NAA11: variants seen among roughly 807,000 people sequenced by gnomAD.
The protein encoded by NAA11 is N-alpha-acetyltransferase 11, NatA catalytic subunit.
A neutral mutation model predicts 16.1 loss-of-function variants in NAA11; 15 were observed. That is an observed-to-expected ratio of 0.93 (90% confidence interval 0.62 to 1.44). The LOEUF (loss-of-function observed/expected upper bound fraction) is 1.44, where lower values mean the gene tolerates loss of function less well. Among genes scored for constraint, NAA11 ranks in the 40% most tolerant of loss-of-function variants. The pLI is 0.00. For missense variants in NAA11, 298 were observed against 291.3 expected (o/e 1.02, Z -0.17); for synonymous variants, 122 against 112.4 (o/e 1.09, Z -0.54).
intron 1 of NAA11, among the ~76,000 whole-genome samples, chr4:79,304,076 T>C (rs1723490947): frequency 6.6e-6 from 1 of 152,194 alleles, no homozygotes; most frequent in African/African-American, 2.4e-5. Flanking sequence ...TTTGCACCTC[T>C]TTTGTCTTTC....
chr4:79,291,852 G>A (rs1158325883), intron 2 of NAA11, among the ~76,000 whole-genome samples: 3 of 152,172 alleles, frequency 2.0e-5, no homozygotes, highest in African/African-American at 4.8e-5. Flanking sequence ...ATAGGACATA[G>A]TAATAGTAAA....
intron 2 of NAA11, among the ~76,000 whole-genome samples, chr4:79,292,454 A>G (rs578026843): frequency 6.6e-6 from 1 of 152,356 alleles, no homozygotes; most frequent in Admixed American, 6.5e-5. Flanking sequence ...AAGCTAAAAC[A>G]GAATAGAGTA....
At chr4:79,299,763 A>G (rs916357821) in intron 1 of NAA11, among the ~76,000 whole-genome samples, 1 of 152,180 alleles carries the variant, frequency 6.6e-6, no homozygotes, top group Non-Finnish European at 1.5e-5. Flanking sequence ...CAATATTAGG[A>G]TTGTGACCTT....
chr4:79,269,674 T>C (rs1400672973), intron 2 of NAA11, among the ~76,000 whole-genome samples: 1 of 147,316 alleles, frequency 6.8e-6, no homozygotes, highest in East Asian at 2.0e-4. Context: ...CTGATGGTAG[T>C]TTCTTTTGCT....
intron 2 of NAA11, among the ~76,000 whole-genome samples, chr4:79,264,392 C>T (rs1722300940): frequency 6.6e-6 from 1 of 152,076 alleles, no homozygotes; most frequent in African/African-American, 2.4e-5. Context: ...TGTAAATCTC[C>T]CATCTTAAAA....
chr4:79,240,699 C>A (rs1721672428), intron 2 of NAA11, among the ~76,000 whole-genome samples: 1 of 152,004 alleles, frequency 6.6e-6, no homozygotes, highest in African/African-American at 2.4e-5. Flanking sequence ...AAAAACATAT[C>A]AAAAGAAAAA....
At chr4:79,286,169 G>A (rs1722902560) in intron 2 of NAA11, among the ~76,000 whole-genome samples, 1 of 151,946 alleles carries the variant, frequency 6.6e-6, no homozygotes, top group South Asian at 2.1e-4. Context: ...CTAAATTTAA[G>A]AGAATTCTAC....
chr4:79,325,547 C>T lies in NAA11; in HGVS notation c.331G>A (p.Val111Ile), dbSNP rs768903280. The change falls in exon 1 of 2, where the codon GTC becomes ATC. Residue 111 changes from valine to isoleucine, a missense_variant. Physicochemically the swap from Val to Ile is conservative, Grantham distance 29 (BLOSUM62 3). Transcript: ENST00000286794. ...NFNAKYVSLH[V>I]RKSNRPALHL... is the part of the protein sequence containing the mutation. ...AAGGCTGGCCGGTTACTCTTCCTGA[C>T]GTGCAGAGACACGTATTTGGCGTTA... The T allele has an allele frequency of 5.6e-6, 9 of 1,614,026 alleles. No individual in the cohort carries two copies. Among genetic ancestry groups the T allele is most frequent in the South Asian group, 1.1e-5 (1 of 91,092 alleles).
intron 2 of NAA11, among the ~76,000 whole-genome samples, chr4:79,288,380 AC>A (rs1342815922): frequency 1.3e-5 from 2 of 152,228 alleles, no homozygotes; most frequent in Non-Finnish European, 1.5e-5. Flanking sequence ...AAGAAAAAAA[AC>A]ATTATGCAAG....
At chr4:79,158,668 AAG>A in the NAA11 span, among the ~76,000 whole-genome samples, 4 of 141,842 alleles carry the variant, frequency 2.8e-5, no homozygotes, top group Non-Finnish European at 6.3e-5. Context: ...ACTAAGCAAA[AAG>A]AGCAAATGTG....
chr4:79,182,730 C>T, the NAA11 span, among the ~76,000 whole-genome samples: 105,153 of 152,068 alleles, frequency 0.69, 40,148 homozygotes, highest in East Asian at 1. Flanking sequence ...TGCTTCTCAA[C>T]AATGGGGGGG....
chr4:79,230,890 TA>T (rs1405634864), intron 2 of NAA11, among the ~76,000 whole-genome samples: 1 of 151,990 alleles, frequency 6.6e-6, no homozygotes, highest in Non-Finnish European at 1.5e-5. Context: ...TTAGCTATCC[TA>T]AAAAAACCTT....
intron 2 of NAA11, among the ~76,000 whole-genome samples, chr4:79,270,187 G>C (rs1252628150): frequency 6.7e-6 from 1 of 150,158 alleles, no homozygotes; most frequent in Admixed American, 6.7e-5. Flanking sequence ...GGCGATGCGG[G>C]CTCTTTTTTG....
intron 2 of NAA11, among the ~76,000 whole-genome samples, chr4:79,232,293 T>C (rs1460965563): frequency 6.6e-6 from 1 of 151,940 alleles, no homozygotes; most frequent in East Asian, 1.9e-4. Context: ...ATCAAAATAA[T>C]GATTATACAT....
chr4:79,225,710 T>C (rs1326670185), exon 3 of NAA11: 1 of 152,100 alleles, frequency 6.6e-6, no homozygotes, highest in East Asian at 1.9e-4. Flanking sequence ...AGTCTTCTTT[T>C]CCTTTAAGTC....
intron 2 of NAA11, among the ~76,000 whole-genome samples, chr4:79,254,796 C>T (rs1469981385): frequency 6.6e-6 from 1 of 151,480 alleles, no homozygotes. Flanking sequence ...GACACATATA[C>T]CATATATTTT....
At chr4:79,295,541 C>T (rs1723195698) in intron 1 of NAA11, among the ~76,000 whole-genome samples, 1 of 152,178 alleles carries the variant, frequency 6.6e-6, no homozygotes, top group African/African-American at 2.4e-5. Context: ...CTTTTAGACA[C>T]ATAAGGAAGG....
At chr4:79,210,771 T>G in the NAA11 span, among the ~76,000 whole-genome samples, 2 of 151,520 alleles carry the variant, frequency 1.3e-5, no homozygotes, top group African/African-American at 4.9e-5. Context: ...AAAAGAAAAA[T>G]AAAAAAAAGA....
chr4:79,252,655 G>A (rs1407569400), intron 2 of NAA11, among the ~76,000 whole-genome samples: 1 of 152,178 alleles, frequency 6.6e-6, no homozygotes, highest in Non-Finnish European at 1.5e-5. Context: ...TCATGTTGCA[G>A]CTCTGAGGGA....
Sources: gnomAD v4.1 joint callset for allele counts (sites outside exome capture counted in the v4.1 genomes callset) on GRCh38, gnomAD v4.1.1 for gene constraint, MANE v1.5 for transcripts, NCBI Gene and HGNC (gene_info 2026-07-23, HGNC 2026-07-21) for gene names.